PISD: variants seen among roughly 807,000 people sequenced by gnomAD.
PISD encodes the protein phosphatidylserine decarboxylase, also known as phosphatidylserine decarboxylase proenzyme, mitochondrial.
Under a neutral mutation model 43.5 loss-of-function variants are expected in PISD, and 31 were observed. The ratio of observed to expected loss-of-function variants is 0.71; its 90% CI spans 0.54 to 0.96. PISD has a LOEUF of 0.96. Ranked by LOEUF, PISD falls within the 40% of genes least tolerant of loss-of-function variation. The probability of loss-of-function intolerance (pLI) is 0.00; values close to 1 mark genes in which losing one functional copy is unlikely to be tolerated. For synonymous variants in PISD, 259 were observed against 228.7 expected, an observed-to-expected ratio of 1.13 and a Z score of -1.20; for missense variants, 523 against 548.4, an observed-to-expected ratio of 0.95 and a Z score of 0.46.
At chr22:31,642,009 G>A (rs755380339) in intron 3 of PISD, among the ~76,000 whole-genome samples, 13 of 151,064 alleles carry the variant, frequency 8.6e-5, no homozygotes, top group East Asian at 1.9e-4. Context: ...AATCCTACAC[G>A]TAGGCTTTCA....
At chr22:31,644,052 A>C (rs2073812672) in intron 3 of PISD, among the ~76,000 whole-genome samples, 1 of 151,244 alleles carries the variant, frequency 6.6e-6, no homozygotes, top group African/African-American at 2.4e-5. Context: ...CGTCTCAAAA[A>C]AAAAAACAAA....
intron 3 of PISD, among the ~76,000 whole-genome samples, chr22:31,646,970 T>C (rs930788247): frequency 2.6e-5 from 4 of 151,984 alleles, no homozygotes; most frequent in African/African-American, 9.7e-5. Context: ...CAGACAGGTA[T>C]CTCTTAGGGT....
intron 3 of PISD, among the ~76,000 whole-genome samples, chr22:31,624,792 CTG>C (rs1389468371): frequency 6.6e-6 from 1 of 151,612 alleles, no homozygotes; most frequent in Non-Finnish European, 1.5e-5. Flanking sequence ...TCCAGCCTCT[CTG>C]TGATCCGGCC....
chr22:31,622,778 G>A (rs1156859292), intron 3 of PISD, among the ~76,000 whole-genome samples: 1 of 152,186 alleles, frequency 6.6e-6, no homozygotes, highest in South Asian at 2.1e-4. Flanking sequence ...TCTCCGGCAG[G>A]GCCAGGTACC....
Position 31,628,884 on chromosome 22 carries a change from G to A in PISD, c.322-6999C>T, listed in dbSNP as rs1468776096. The A allele has an allele frequency of 1.3e-5, 13 of 985,224 alleles. No individual in the cohort carries two copies. In the South Asian group the frequency reaches 1.4e-4, roughly 11 times the overall value. The allele number at this position is 985,224 out of a possible 1,614,324, so 61.0% of individuals were successfully genotyped here. On this transcript the variant is annotated intron_variant, in intron 3 of 7. Coordinates refer to ENST00000439502, the MANE Select transcript of PISD (RefSeq NM_001326411.2). Reference sequence around the variant, plus strand: ...TTCCAAAAAGTCAACCTCACACTCCGGTGGGGGCAGGGGTTTCCACCACAG... The same window carrying A: ...TTCCAAAAAGTCAACCTCACACTCCAGTGGGGGCAGGGGTTTCCACCACAG...
chr22:31,655,696 G>A (rs959959296), intron 1 of PISD, among the ~76,000 whole-genome samples: 6 of 151,648 alleles, frequency 4.0e-5, no homozygotes, highest in Middle Eastern at 3.2e-3. Context: ...GTTCAGTGGC[G>A]TGATCTCAAC....
At chr22:31,624,692 CCCT>C (rs1036945135) in intron 3 of PISD, among the ~76,000 whole-genome samples, 8 of 148,706 alleles carry the variant, frequency 5.4e-5, no homozygotes, top group Admixed American at 4.7e-4. Context: ...CATCCCAAGC[CCCT>C]CCTTTCAGCA....
intron 3 of PISD, among the ~76,000 whole-genome samples, chr22:31,624,119 G>A (rs2072741549): frequency 1.3e-5 from 2 of 152,276 alleles, no homozygotes; most frequent in South Asian, 4.1e-4. Context: ...CTGGGAATGT[G>A]GGGGCAGCCG....
rs1227273750 is a variant in PISD at position 31,630,720 on chromosome 22, C to A, written c.322-8835G>T. 9.1e-6 allele frequency: 9 copies of A among 985,414 alleles called. No homozygotes were observed. Among genetic ancestry groups the A allele is most frequent in the Non-Finnish European group, 1.1e-5 (9 of 829,890 alleles). The allele number at this position is 985,414 out of a possible 1,614,324, so 61.0% of individuals were successfully genotyped here. ...AGGGCACCCCCACCCGGCACTGGCC[C>A]TCTGAGCGGGCAGGGTGGGGCGCCT... On this transcript the variant is annotated intron_variant, in intron 3 of 7. Transcript: ENST00000439502. This position sits in a 1 kb window ranked among gnomAD's most constrained non-coding sequence, Gnocchi z 4.4.
rs1005648194 is a variant in PISD, at chr22:31,640,587, T to G, written c.321+7514A>C. Among the ~76,000 whole-genome samples the G allele has an allele frequency of 6.7e-4, 93 of 139,846 alleles. 1 individual carries two copies. Among genetic ancestry groups the G allele is most frequent in the South Asian group, 2.7e-3 (11 of 4,144 alleles). 91.7% of individuals were successfully genotyped at this position (139,846 alleles called of 152,430 possible). A position where few individuals can be genotyped will look rare whatever the true frequency, so the allele number is the denominator to read the frequency against. ...TTTCGGTTTGGTTGTTTTTTTTTTT[T>G]TTTTTTTTTTTGAGACGGAGTCTCG... On this transcript the variant is annotated intron_variant, in intron 3 of 7. Coordinates refer to ENST00000439502, the MANE Select transcript of PISD (RefSeq NM_001326411.2).
At chr22:31,623,709 CG>C in intron 3 of PISD, 1 of 1,614,008 alleles carries the variant, frequency 6.2e-7, no homozygotes, top group Non-Finnish European at 8.5e-7. Context: ...CCATCCCACC[CG>C]GCTGAGCGGT....
chr22:31,640,578 T>TG (rs1569488723), intron 3 of PISD, among the ~76,000 whole-genome samples: 1 of 115,776 alleles, frequency 8.6e-6, no homozygotes, highest in African/African-American at 3.7e-5. Context: ...TTTGGTTGTT[T>TG]TTTTTTTTTT....
chr22:31,618,705 T>TGATA lies in PISD; in HGVS notation c.*903_*906dup. On this transcript the variant is annotated 3_prime_UTR_variant, in exon 8 of 8. Transcript: ENST00000439502. ...TGGGGGCTCCCCAGGCCTGCGTTCC[T>TGATA]GATAAACTGGGACAGGTTTTCCAGG... The TGATA allele has an allele frequency of 3.3e-6, 1 of 306,352 alleles. No individual in the cohort carries two copies. The highest frequency in any genetic ancestry group is 5.9e-6 in the Non-Finnish European group (1 of 168,534). The allele number at this position is 306,352 out of a possible 1,614,324, so 19.0% of individuals were successfully genotyped here.
intron 4 of PISD, 24 bp downstream of exon 4, chr22:31,621,625 C>T (rs1197592786): frequency 5.6e-6 from 9 of 1,607,390 alleles, no homozygotes; most frequent in Non-Finnish European, 6.8e-6. Context: ...CTGTTTCCTG[C>T]AGGAGGAAAG....
At chr22:31,628,143 G>T in intron 3 of PISD, 6 of 985,692 alleles carry the variant, frequency 6.1e-6, no homozygotes, top group Non-Finnish European at 7.2e-6. Flanking sequence ...CCAGAAGATC[G>T]CCAGGGAGGA....
Position 31,621,063 on chromosome 22 carries a change from G to A in PISD, c.777C>T (p.Ala259=), listed in dbSNP as rs765500864. Residue 259 remains alanine, a synonymous_variant, in exon 6 of 8, where the codon GCC becomes GCT. Coordinates refer to ENST00000439502, the MANE Select transcript of PISD (RefSeq NM_001326411.2). ...NELYHCVIYL[A]PGDYHCFHSP... Reference sequence around the variant, plus strand: ...AGTGGAAGCAGTGGTAGTCCCCAGGGGCCAGGTAGATGACACAGTGATAGA... The same window carrying A: ...AGTGGAAGCAGTGGTAGTCCCCAGGAGCCAGGTAGATGACACAGTGATAGA... 3.1e-6 allele frequency: 5 copies of A among 1,614,068 alleles called. No homozygotes were observed. Among genetic ancestry groups the A allele is most frequent in the Non-Finnish European group, 4.2e-6 (5 of 1,179,958 alleles).
chr22:31,651,222 C>T (rs922551937), intron 1 of PISD, among the ~76,000 whole-genome samples: 2 of 152,126 alleles, frequency 1.3e-5, no homozygotes, highest in African/African-American at 4.8e-5. Flanking sequence ...CCTCAGCCTC[C>T]CAAAGTGCTG....
intron 2 of PISD, among the ~76,000 whole-genome samples, chr22:31,649,569 T>C (rs1366073408): frequency 1.3e-5 from 2 of 151,778 alleles, no homozygotes; most frequent in Non-Finnish European, 2.9e-5. Flanking sequence ...CCGTCTCTAC[T>C]AAAAATACAA....
At chr22:31,638,170 G>A (rs1406759638) in intron 3 of PISD, among the ~76,000 whole-genome samples, 2 of 152,216 alleles carry the variant, frequency 1.3e-5, no homozygotes, top group East Asian at 3.9e-4. Context: ...GGTAGCCCCA[G>A]GATGAAACCA....
Sources: allele counts gnomAD v4.1 joint callset (sites outside exome capture counted in the v4.1 genomes callset), GRCh38; gene constraint gnomAD v4.1.1; non-coding constraint Gnocchi (gnomAD v3.1); transcripts MANE v1.5; gene names NCBI Gene and HGNC (gene_info 2026-07-23, HGNC 2026-07-21).